CARD8: variants seen among roughly 807,000 people sequenced by gnomAD.
The protein encoded by CARD8 is caspase recruitment domain family member 8, also known as caspase recruitment domain-containing protein 8.
In CARD8, 38 loss-of-function variants were observed where a neutral mutation model predicts 53.2. The observed-to-expected ratio is 0.71, with a 90% confidence interval of 0.55 to 0.94. The LOEUF (loss-of-function observed/expected upper bound fraction) is 0.94. Among genes scored for constraint, CARD8 ranks in the 40% least tolerant of loss-of-function variants. The probability of loss-of-function intolerance (pLI) is 0.00; values close to 1 mark genes in which losing one functional copy is unlikely to be tolerated. For missense variants in CARD8, 561 were observed against 655.5 expected, an observed-to-expected ratio of 0.86 and a Z score of 1.57; for synonymous variants, 245 against 244.9, an observed-to-expected ratio of 1.00 and a Z score of 0.00.
intron 7 of CARD8, 117 bp downstream of exon 7, chr19:48,232,336 T>TA (rs2043064042): frequency 4.3e-6 from 4 of 936,320 alleles, no homozygotes; most frequent in Non-Finnish European, 6.6e-6. Flanking sequence ...GTGGCAAAGG[T>TA]AAGGGAAAGC....
intron 5 of CARD8, among the ~76,000 whole-genome samples, chr19:48,237,143 G>T (rs1042213839): frequency 6.6e-6 from 1 of 152,024 alleles, no homozygotes; most frequent in African/African-American, 2.4e-5. Context: ...AAGAAAAGAG[G>T]TTTAATTGGC....
chr19:48,252,987 T>C (rs1363211954), intron 1 of CARD8, among the ~76,000 whole-genome samples: 1 of 152,246 alleles, frequency 6.6e-6, no homozygotes, highest in African/African-American at 2.4e-5. Context: ...ATGGCACTTC[T>C]TGTATTCATT....
intron 10 of CARD8, among the ~76,000 whole-genome samples, chr19:48,226,817 G>A (rs573128508): frequency 6.6e-6 from 1 of 152,188 alleles, no homozygotes; most frequent in East Asian, 1.9e-4. Context: ...GATGCTGGAT[G>A]TGGGAAAGAA....
rs534014052 is a variant in CARD8 at position 48,245,465 on chromosome 19, A to C, written c.-44+4058T>G. Among the ~76,000 whole-genome samples, 5 of 152,256 alleles carry C rather than the reference A, an allele frequency of 3.3e-5. No homozygotes were observed. The East Asian group carries it at 9.7e-4, about 29-fold the overall frequency. On this transcript the variant is annotated intron_variant, in intron 3 of 13. Coordinates refer to ENST00000651546, the MANE Select transcript of CARD8 (RefSeq NM_001184900.3). ...TGACCTCAGGTGATCCGCCCACCTCAGCCTCCCAAAGTGCTGGGATTACAG... is the reference window on the plus strand; with the variant it reads ...TGACCTCAGGTGATCCGCCCACCTCCGCCTCCCAAAGTGCTGGGATTACAG...
chr19:48,225,974 A>C lies in CARD8; in HGVS notation c.1036-4119T>G, dbSNP rs540012444. Among the ~76,000 whole-genome samples, 27 of 147,590 alleles carry C rather than the reference A, an allele frequency of 1.8e-4. 1 individual carries two copies. Among genetic ancestry groups the C allele is most frequent in the Middle Eastern group, 7.5e-3 (2 of 268 alleles). On this transcript the variant is annotated intron_variant, in intron 10 of 13. Coordinates refer to ENST00000651546, the MANE Select transcript of CARD8 (RefSeq NM_001184900.3). ...AGGCTGAGACAGGAGAATTGTTTGA[A>C]CCTGGGAGACGGAGGTTGCAGTGAG...
intron 12 of CARD8, among the ~76,000 whole-genome samples, chr19:48,218,379 T>C (rs2039797726): frequency 7.7e-6 from 1 of 130,496 alleles, no homozygotes; most frequent in South Asian, 2.4e-4. Flanking sequence ...TTTTTTCAGA[T>C]GGAGTTTCGC....
At chr19:48,221,553 TA>T (rs1483603733) in intron 11 of CARD8, among the ~76,000 whole-genome samples, 176 bp downstream of exon 11, 1 of 152,178 alleles carries the variant, frequency 6.6e-6, no homozygotes, top group Non-Finnish European at 1.5e-5. Flanking sequence ...ACCTCTGCCT[TA>T]GGGTCTTGGA....
At chr19:48,207,911 A>T (rs7249345), downstream of CARD8, among the ~76,000 whole-genome samples, 124,239 of 150,870 alleles carry the variant, frequency 0.82, 51,954 homozygotes, top group South Asian at 0.91. Context: ...AATTTTTGTA[A>T]TTTTAGTAGA....
chr19:48,235,060 GA>G (rs2043633188), intron 5 of CARD8, among the ~76,000 whole-genome samples: 1 of 151,674 alleles, frequency 6.6e-6, no homozygotes, highest in Non-Finnish European at 1.5e-5. Flanking sequence ...TGCAAATGGT[GA>G]GAGGGGTTGC....
At chr19:48,206,569 G>C (rs552021443), downstream of CARD8, 1 of 458,468 alleles carries the variant, frequency 2.2e-6, no homozygotes, top group South Asian at 1.5e-5. Context: ...GATTGGTCAC[G>C]GGCCAATCCT....
Position 48,231,740 on chromosome 19 carries a change from T to C in CARD8, c.462A>G (p.Glu154=). The change falls in exon 8 of 14, where the codon GAA becomes GAG. Residue 154 remains glutamate (E), a synonymous_variant. Transcript: ENST00000651546. The part of the protein sequence containing the change: ...YASKVCFEIE[E]DYKNRQFLGP... Reference sequence around the variant, plus strand: ...CCAGAAACTGACGATTTTTATAATCTTCTTCGATCTCAAAACAGACTTTAG... The same window carrying C: ...CCAGAAACTGACGATTTTTATAATCCTCTTCGATCTCAAAACAGACTTTAG... 6.2e-7 allele frequency: 1 copy of C among 1,613,732 alleles called. No individual in the cohort carries two copies. Among genetic ancestry groups the C allele is most frequent in the Non-Finnish European group, 8.5e-7 (1 of 1,179,790 alleles).
At chr19:48,205,668 T>C (rs2037317108), downstream of CARD8, among the ~76,000 whole-genome samples, 1 of 152,132 alleles carries the variant, frequency 6.6e-6, no homozygotes. Flanking sequence ...ATGAGGAAAC[T>C]GCACCACAGA....
In CARD8 at chr19:48,243,203, C is replaced by T. The variant is rs961994258; in HGVS notation, c.-43-2140G>A. ...AATTTTTTTGTATTTTTAGTAGAGACGGGGTTTCACCGTGTTAGCCAGGAT... is the reference window on the plus strand; with the variant it reads ...AATTTTTTTGTATTTTTAGTAGAGATGGGGTTTCACCGTGTTAGCCAGGAT... On this transcript the variant is annotated intron_variant, in intron 3 of 13. Coordinates refer to ENST00000651546, the MANE Select transcript of CARD8 (RefSeq NM_001184900.3). Among the ~76,000 whole-genome samples the T allele has an allele frequency of 7.2e-5, 11 of 152,036 alleles. No individual in the cohort carries two copies. In the South Asian group the frequency reaches 8.3e-4, roughly 11 times the overall value.
In CARD8 at chr19:48,211,206, T is replaced by C. The variant is rs2037906150; in HGVS notation, c.*504A>G. 1 of 153,458 alleles carries C rather than the reference T, an allele frequency of 6.5e-6. No homozygotes were observed. Among genetic ancestry groups the C allele is most frequent in the Non-Finnish European group, 1.5e-5 (1 of 68,868 alleles). The allele number at this position is 153,458 out of a possible 1,614,324, so 9.5% of individuals were successfully genotyped here. A position where few individuals can be genotyped will look rare whatever the true frequency, so the allele number is the denominator to read the frequency against. Reference sequence around the variant, plus strand: ...AATAACAGTAGCCATAGATAAAGTGTTAAAGTCCTAACATACAAAAAAAAA... The same window carrying C: ...AATAACAGTAGCCATAGATAAAGTGCTAAAGTCCTAACATACAAAAAAAAA... On this transcript the variant is annotated 3_prime_UTR_variant, in exon 14 of 14. Transcript: ENST00000651546.
intron 3 of CARD8, among the ~76,000 whole-genome samples, chr19:48,244,932 C>T (rs1322025925): frequency 6.6e-6 from 1 of 152,204 alleles, no homozygotes; most frequent in African/African-American, 2.4e-5. Flanking sequence ...CACACATTCT[C>T]GGCATAATAT....
intron 11 of CARD8, among the ~76,000 whole-genome samples, chr19:48,219,898 G>A (rs570265292): frequency 8.9e-4 from 135 of 152,180 alleles, no homozygotes; most frequent in African/African-American, 3.2e-3. Context: ...TTGAACCCAG[G>A]GAAAGAAGGT....
chr19:48,238,448 T>C lies in CARD8; in HGVS notation c.144A>G (p.Ile48Met). Residue 48 changes from isoleucine to methionine, a missense_variant, in exon 5 of 14, where the codon ATA (isoleucine) becomes ATG (methionine). Ile to Met is a conservative substitution (Grantham distance 10, BLOSUM62 1). Transcript: ENST00000651546. ...GSRKLLVDNS[I>M]RELQYTKTGI... ...CAGTTTTTGTGTATTGCAGTTCCCG[T>C]ATGCTATTGTCAACCAACAGTTTCC... 2 of 1,536,242 alleles carry C rather than the reference T, an allele frequency of 1.3e-6. No homozygotes were observed. Among genetic ancestry groups the C allele is most frequent in the Middle Eastern group, 1.7e-4 (1 of 5,994 alleles).
At position 48,223,036 on chromosome 19, in the gene CARD8, G is replaced by T. The variant is rs148206122; in HGVS notation, c.1036-1181C>A. On this transcript the variant is annotated intron_variant, in intron 10 of 13. Transcript: ENST00000651546. ...TTAAAAGTAGAGGCCAGGTGCAGTG[G>T]CTTATGCCTGTAATCCCAGCACTTT... Among the ~76,000 whole-genome samples the T allele has an allele frequency of 2.9e-3, 442 of 152,278 alleles. 5 individuals are homozygous for T. Among genetic ancestry groups the T allele is most frequent in the East Asian group, 0.024 (122 of 5,184 alleles).
chr19:48,233,009 T>C, intron 6 of CARD8: 1 of 355,768 alleles, frequency 2.8e-6, no homozygotes, highest in Non-Finnish European at 5.5e-6. Flanking sequence ...GAAGCAGTAA[T>C]TCACCAATGC....
Sources: gnomAD v4.1 joint callset for allele counts (sites outside exome capture counted in the v4.1 genomes callset) on GRCh38, gnomAD v4.1.1 for gene constraint, MANE v1.5 for transcripts, NCBI Gene and HGNC (gene_info 2026-07-23, HGNC 2026-07-21) for gene names.